CFAP47: variants seen among roughly 807,000 people sequenced by gnomAD.
CFAP47 encodes cilia- and flagella-associated protein 47.
A neutral mutation model predicts 148.1 loss-of-function variants in CFAP47; 29 were observed. That is an observed-to-expected ratio of 0.20 (90% confidence interval 0.15 to 0.27). The LOEUF (loss-of-function observed/expected upper bound fraction) is 0.27, where lower values mean the gene tolerates loss of function less well. Ranked by LOEUF, CFAP47 falls within the 10% of genes least tolerant of loss-of-function variation. The pLI is 1.00. For missense variants in CFAP47, 1,872 were observed against 1,697.5 expected (o/e 1.10, Z -1.81); for synonymous variants, 664 against 577.3 (o/e 1.15, Z -2.15).
At chrX:36,335,689 T>C (rs1556014727) in intron 57 of CFAP47, among the ~76,000 whole-genome samples, 8 of 111,718 alleles carry the variant, frequency 7.2e-5, no homozygotes. Flanking sequence ...GATTAGTGGT[T>C]GTAGTAATTC....
intron 33 of CFAP47, among the ~76,000 whole-genome samples, chrX:36,114,205 A>G (rs1938601963): frequency 9.0e-6 from 1 of 111,664 alleles, no homozygotes; most frequent in Non-Finnish European, 1.9e-5. Context: ...TATGACGTCG[A>G]TTACATTCTT....
At chrX:36,040,234 G>T (rs1415649424) in intron 25 of CFAP47, among the ~76,000 whole-genome samples, 2 of 111,955 alleles carry the variant, frequency 1.8e-5, no homozygotes, top group Admixed American at 9.5e-5. Flanking sequence ...AGATATAAAA[G>T]TCATCAAATA....
intron 22 of CFAP47, among the ~76,000 whole-genome samples, chrX:36,027,166 GAT>G (rs1937229246): frequency 9.7e-6 from 1 of 103,619 alleles, no homozygotes; most frequent in African/African-American, 3.5e-5. Flanking sequence ...ATATATATGT[GAT>G]TATATATATA....
intron 15 of CFAP47, among the ~76,000 whole-genome samples, chrX:35,987,958 A>T (rs529691116): frequency 9.0e-6 from 1 of 110,713 alleles, no homozygotes; most frequent in Non-Finnish European, 1.9e-5. Flanking sequence ...ACCAGTCCCA[A>T]TGAGATGAAC....
intron 55 of CFAP47, among the ~76,000 whole-genome samples, chrX:36,308,459 T>C (rs1247333157): frequency 2.7e-5 from 3 of 111,830 alleles, no homozygotes; most frequent in Non-Finnish European, 5.7e-5. Context: ...TAGTTCTTCC[T>C]CTTTTATTTA....
chrX:36,032,874 A>G (rs1279268248), intron 23 of CFAP47, among the ~76,000 whole-genome samples: 1 of 111,595 alleles, frequency 9.0e-6, no homozygotes, highest in Admixed American at 9.6e-5. Flanking sequence ...ATGAGTGGTT[A>G]AAAGCAGAGA....
chrX:36,309,307 T>A (rs1384648990), intron 55 of CFAP47, among the ~76,000 whole-genome samples: 2 of 111,221 alleles, frequency 1.8e-5, no homozygotes, highest in Non-Finnish European at 3.8e-5. Flanking sequence ...AGCCTGTGCC[T>A]ATGGAAAGTT....
At position 36,236,778 on chromosome X, in the gene CFAP47, C is replaced by T; in HGVS notation, c.7251C>T (p.Ile2417=). The T allele has an allele frequency of 1.9e-6, 1 of 523,079 alleles. No homozygotes were observed. The highest frequency in any genetic ancestry group is 3.5e-6 in the Non-Finnish European group (1 of 285,908). 43.1% of individuals were successfully genotyped at this position (523,079 alleles called of 1,213,427 possible). Reference sequence around the variant, plus strand: ...AAAAACCTTCGGCCTTGGAACACATCACTGTGGAATGTCAAGTGGGGAATG... The same window carrying T: ...AAAAACCTTCGGCCTTGGAACACATTACTGTGGAATGTCAAGTGGGGAATG... ...VGKKPSALEH[I]TVECQVGNVT... The change falls in exon 48 of 64, where the codon ATC becomes ATT. Residue 2417 remains isoleucine, a synonymous_variant. Transcript: ENST00000378653.
chrX:36,102,926 G>A (rs898451465), intron 32 of CFAP47, among the ~76,000 whole-genome samples: 4 of 111,635 alleles, frequency 3.6e-5, no homozygotes, highest in Non-Finnish European at 7.5e-5. Context: ...TAGATAAATA[G>A]CTAACATTCA....
At chrX:36,362,073 A>G (rs1390641598) in intron 61 of CFAP47, among the ~76,000 whole-genome samples, 3 of 112,281 alleles carry the variant, frequency 2.7e-5, no homozygotes, top group Non-Finnish European at 5.6e-5. Flanking sequence ...ACTATATGAT[A>G]TTTCACTATG....
chrX:36,108,888 A>G (rs1181220444), intron 33 of CFAP47, among the ~76,000 whole-genome samples: 1 of 104,596 alleles, frequency 9.6e-6, no homozygotes, highest in Admixed American at 1.1e-4. Flanking sequence ...TGTATAGATT[A>G]TTTCATCATC....
chrX:36,307,566 C>A (rs782773578), intron 55 of CFAP47, among the ~76,000 whole-genome samples: 1 of 110,903 alleles, frequency 9.0e-6, no homozygotes, highest in Admixed American at 9.7e-5. Context: ...TCTCTTACTA[C>A]CAATTAAAAT....
At chrX:36,243,647 G>GTGTATATATATATA (rs1179341078) in intron 48 of CFAP47, among the ~76,000 whole-genome samples, 6 of 64,246 alleles carry the variant, frequency 9.3e-5, no homozygotes, top group Admixed American at 3.9e-4. Context: ...ATATGTGTGT[G>GTGTATATATATATA]TATATATATA....
At chrX:36,343,174 G>C (rs868968383) in intron 57 of CFAP47, among the ~76,000 whole-genome samples, 104 of 111,406 alleles carry the variant, frequency 9.3e-4, no homozygotes, top group African/African-American at 3.2e-3. Flanking sequence ...AGTATTCCAT[G>C]GTCAGTATTC....
chrX:36,002,697 C>CT (rs1259630387), intron 21 of CFAP47, among the ~76,000 whole-genome samples: 1 of 111,243 alleles, frequency 9.0e-6, no homozygotes, highest in African/African-American at 3.3e-5. Context: ...TATGTCAAAA[C>CT]TTTTTTTTAA....
intron 8 of CFAP47, among the ~76,000 whole-genome samples, chrX:35,962,140 CTT>C (rs1302837205): frequency 9.0e-6 from 1 of 111,311 alleles, no homozygotes; most frequent in Non-Finnish European, 1.9e-5. Flanking sequence ...ATTTTCTTCT[CTT>C]ATTGATTTTA....
At chrX:35,925,877 G>A (rs1022763483) in intron 1 of CFAP47, 140 bp from the exon 2 acceptor site, 5 of 416,865 alleles carry the variant, frequency 1.2e-5, no homozygotes, top group South Asian at 6.5e-5. Context: ...GGATGGTCTC[G>A]ATCTCCTGAC....
At position 36,024,743 on chromosome X, in the gene CFAP47, C is replaced by T. The variant is rs146462424; in HGVS notation, c.3557-6510C>T. On this transcript the variant is annotated intron_variant, in intron 22 of 63. Coordinates refer to ENST00000378653, the MANE Select transcript of CFAP47 (RefSeq NM_001304548.2). ...CTAATAGGGCAGTACCGTACTGCCA[C>T]TGCCGGGTATTTGGAACAGGTGATG... is the stretch of plus-strand genomic sequence containing the variant. 4.0e-3 allele frequency among the ~76,000 whole-genome samples: 443 copies of T among 111,327 alleles called. 1 individual carries two copies. The highest frequency in any genetic ancestry group is 0.013 in the African/African-American group (394 of 30,656).
In CFAP47 at chrX:36,034,453, G is replaced by T. The variant is rs954157033; in HGVS notation, c.3652-1242G>T. ...GATCAATTTTAGCCTACAATCAAGT[G>T]GTAGGAGGTTAAGCTCTACTTATAT... On this transcript the variant is annotated intron_variant, in intron 23 of 63. Coordinates refer to ENST00000378653, the MANE Select transcript of CFAP47 (RefSeq NM_001304548.2). Among the ~76,000 whole-genome samples, 6 of 110,777 alleles carry T rather than the reference G, an allele frequency of 5.4e-5. No individual in the cohort carries two copies. In the Admixed American group the frequency reaches 5.8e-4, roughly 11 times the overall value.
Sources: gnomAD v4.1 joint callset for allele counts (sites outside exome capture counted in the v4.1 genomes callset) on GRCh38, gnomAD v4.1.1 for gene constraint, MANE v1.5 for transcripts, NCBI Gene and HGNC (gene_info 2026-07-23, HGNC 2026-07-21) for gene names.